The following PON2 variants were observed in gnomAD, a reference collection of about 807,000 sequenced individuals.
The protein encoded by PON2 is serum paraoxonase/arylesterase 2.
In PON2, 27 loss-of-function variants were observed where a neutral mutation model predicts 36.6. The ratio of observed to expected loss-of-function variants is 0.74; its 90% confidence interval spans 0.54 to 1.02. PON2 has a LOEUF of 1.02. PON2 is among the 50% of genes least tolerant of loss of function. The pLI is 0.00. For synonymous variants in PON2, 149 were observed against 156.3 expected (o/e 0.95, Z 0.35); for missense variants, 363 against 421.1 (o/e 0.86, Z 1.21).
At chr7:95,423,179 A>T (rs1562790781) in intron 2 of PON2, among the ~76,000 whole-genome samples, 1 of 151,878 alleles carries the variant, frequency 6.6e-6, no homozygotes, top group Non-Finnish European at 1.5e-5. Context: ...AAAACTAGCC[A>T]TGAGTGGGGG....
chr7:95,406,180 C>T lies in PON2; in HGVS notation c.845G>A (p.Gly282Asp), dbSNP rs1262837196. ...GAGCTTCTGGCCATTAGGATGACAG[C>T]CTACCCAGATGTCCCCCGAGGAAGG... ...IDPSSGDIWV[G>D]CHPNGQKLFV... Residue 282 changes from glycine (G) to aspartate (D), a missense_variant, in exon 8 of 9, where the codon GGC (glycine) becomes GAC (aspartate). Gly to Asp is a moderately conservative substitution (Grantham distance 94). Coordinates refer to ENST00000222572, the MANE Select transcript of PON2 (RefSeq NM_000305.3). 6.2e-7 allele frequency: 1 copy of T among 1,613,262 alleles called. No homozygotes were observed.
chr7:95,412,132 G>A (rs552470593), intron 4 of PON2, among the ~76,000 whole-genome samples, 180 bp downstream of exon 4: 242 of 152,314 alleles, frequency 1.6e-3, no homozygotes, highest in Non-Finnish European at 2.4e-3. Context: ...ATTTCAAAAT[G>A]TAGCATAACT....
chr7:95,433,813 C>T (rs149289915), intron 1 of PON2, among the ~76,000 whole-genome samples: 2 of 152,330 alleles, frequency 1.3e-5, no homozygotes, highest in African/African-American at 4.8e-5. Context: ...CCTTCAAGGT[C>T]AGGTCGAATG....
At chr7:95,416,842 A>G (rs1789074501) in intron 2 of PON2, among the ~76,000 whole-genome samples, 1 of 152,222 alleles carries the variant, frequency 6.6e-6, no homozygotes, top group African/African-American at 2.4e-5. Flanking sequence ...TAGGCTTTAA[A>G]TTAGAGAAAA....
intron 2 of PON2, among the ~76,000 whole-genome samples, chr7:95,423,019 C>G (rs1789229495): frequency 6.6e-6 from 1 of 152,078 alleles, no homozygotes; most frequent in Admixed American, 6.6e-5. Flanking sequence ...TACCATGAAC[C>G]ATATCTAAGG....
intron 1 of PON2, among the ~76,000 whole-genome samples, chr7:95,433,393 T>A (rs528054679): frequency 1.3e-5 from 2 of 152,218 alleles, no homozygotes; most frequent in African/African-American, 4.8e-5. Context: ...AGCTGTAGAT[T>A]CTGATCCAGA....
At chr7:95,416,496 G>T in intron 2 of PON2, 199 bp from the exon 3 acceptor site, 2 of 615,216 alleles carry the variant, frequency 3.3e-6, no homozygotes, top group East Asian at 5.7e-5. Context: ...TTAAATGTTA[G>T]ATATTTTATG....
At position 95,435,027 on chromosome 7, in the gene PON2, A is replaced by C; in HGVS notation, c.-76T>G. The C allele has an allele frequency of 2.1e-6, 3 of 1,406,078 alleles. No individual in the cohort carries two copies. The highest frequency in any genetic ancestry group is 2.8e-6 in the Non-Finnish European group (3 of 1,068,680). The allele number at this position is 1,406,078 out of a possible 1,614,324, so 87.1% of individuals were successfully genotyped here. ...TGGGCGGTGCCATCTTCCCGGCTCGATGGTGCCGGCCGCGCTCCGCCCCGT... is the reference window on the plus strand; with the variant it reads ...TGGGCGGTGCCATCTTCCCGGCTCGCTGGTGCCGGCCGCGCTCCGCCCCGT... On this transcript the variant is annotated 5_prime_UTR_variant, in exon 1 of 9. Transcript: ENST00000222572.
In PON2 at chr7:95,409,813, A is replaced by G. The variant is rs1036927169; in HGVS notation, c.695+88T>C. On this transcript the variant is annotated intron_variant, in intron 6 of 8. Coordinates refer to ENST00000222572, the MANE Select transcript of PON2 (RefSeq NM_000305.3). ...ATATACCATAAATGTCAAGAAAACT[A>G]TTTTCACATTGACAAAGAAAGCAAA... is the stretch of plus-strand genomic sequence containing the variant. The G allele has an allele frequency of 1.6e-5, 18 of 1,100,000 alleles. No homozygotes were observed. The African/African-American group carries it at 2.7e-4, about 16-fold the overall frequency. 68.1% of individuals were successfully genotyped at this position (1,100,000 alleles called of 1,614,324 possible). A position where few individuals can be genotyped will look rare whatever the true frequency, so the allele number is the denominator to read the frequency against.
rs757760649 is a variant in PON2, at chr7:95,405,332, A to T, written c.1063T>A (p.Ter355LysextTer6). ...LYHRALYCEL* is the reference protein window; with the variant it reads ...LYHRALYCELK ...CACTTTCATGCCAAAAGTACAATTTAGAGTTCACAATACAAGGCTCTGTGG... is the reference window on the plus strand; with the variant it reads ...CACTTTCATGCCAAAAGTACAATTTTGAGTTCACAATACAAGGCTCTGTGG... The change falls in exon 9 of 9, where the codon TAA (stop) becomes AAA (lysine). Residue 355 changes from the stop codon to lysine, a stop_lost. Transcript: ENST00000222572. 6 of 1,613,476 alleles carry T rather than the reference A, an allele frequency of 3.7e-6. No homozygotes were observed. The East Asian group carries it at 1.3e-4, about 36-fold the overall frequency.
chr7:95,416,516 A>T, intron 2 of PON2: 1 of 581,240 alleles, frequency 1.7e-6, no homozygotes, highest in South Asian at 2.0e-5. Flanking sequence ...GTTTACTCAA[A>T]TCAAAGTCAA....
chr7:95,408,422 T>C (rs542500224), intron 6 of PON2, among the ~76,000 whole-genome samples: 4 of 152,310 alleles, frequency 2.6e-5, no homozygotes, highest in African/African-American at 9.6e-5. Context: ...CAACAGGACC[T>C]GCCTACAGGC....
chr7:95,419,368 G>A (rs1789142279), intron 2 of PON2, among the ~76,000 whole-genome samples: 1 of 152,088 alleles, frequency 6.6e-6, no homozygotes, highest in Non-Finnish European at 1.5e-5. Context: ...GGAATTAGGG[G>A]GAGAATTTCC....
chr7:95,410,164 T>A, intron 5 of PON2, 63 bp from the exon 6 acceptor site: 1 of 1,311,452 alleles, frequency 7.6e-7, no homozygotes, highest in Non-Finnish European at 1.1e-6. Flanking sequence ...TATTAAATAT[T>A]AAGTACTCAT....
chr7:95,434,799 A>C, intron 1 of PON2, 79 bp downstream of exon 1: 1 of 1,473,344 alleles, frequency 6.8e-7, no homozygotes, highest in Non-Finnish European at 9.1e-7. Context: ...TCCCTCCCCC[A>C]GCCTGCGCCC....
intron 3 of PON2, chr7:95,412,687 G>T (rs946560479): frequency 8.6e-6 from 5 of 582,516 alleles, no homozygotes; most frequent in Non-Finnish European, 1.5e-5. Context: ...AAGAAGATCA[G>T]GGATTTATTC....
At chr7:95,406,043 C>A in intron 8 of PON2, 76 bp downstream of exon 8, 1 of 1,492,290 alleles carries the variant, frequency 6.7e-7, no homozygotes, top group Non-Finnish European at 9.3e-7. Flanking sequence ...AACAAATCAT[C>A]CCTGTGACAA....
At chr7:95,414,628 CA>C (rs940545573) in intron 3 of PON2, among the ~76,000 whole-genome samples, 9 of 152,044 alleles carry the variant, frequency 5.9e-5, no homozygotes, top group African/African-American at 2.2e-4. Context: ...AAAACAACAA[CA>C]AAAAACACAA....
At chr7:95,428,068 AG>A (rs1789356676) in intron 1 of PON2, among the ~76,000 whole-genome samples, 1 of 152,192 alleles carries the variant, frequency 6.6e-6, no homozygotes. Context: ...GCTGTCATGC[AG>A]GAATTGCTAA....
Sources: gnomAD v4.1 joint callset for allele counts (sites outside exome capture counted in the v4.1 genomes callset) on GRCh38, gnomAD v4.1.1 for gene constraint, MANE v1.5 for transcripts, NCBI Gene and HGNC (gene_info 2026-07-23, HGNC 2026-07-21) for gene names.